The following MTMR2 variants were observed in gnomAD, a reference collection of about 807,000 sequenced individuals.
MTMR2 encodes myotubularin related protein 2.
In MTMR2, 55 loss-of-function variants were observed where a neutral mutation model predicts 86.9. The ratio of observed to expected loss-of-function variants is 0.63; its 90% CI spans 0.51 to 0.79. The LOEUF (loss-of-function observed/expected upper bound fraction) is 0.79. Among genes scored for constraint, MTMR2 ranks in the 30% least tolerant of loss-of-function variants. The pLI is 0.00. For synonymous variants in MTMR2, 241 were observed against 266.8 expected, an observed-to-expected ratio of 0.90 and a Z score of 0.94; for missense variants, 659 against 772.3, an observed-to-expected ratio of 0.85 and a Z score of 1.74.
chr11:95,843,025 A>G (rs1863617843), intron 11 of MTMR2, among the ~76,000 whole-genome samples: 2 of 152,054 alleles, frequency 1.3e-5, no homozygotes. Context: ...CTTTCTCATC[A>G]TTTTTACTTG....
At chr11:95,893,702 T>A (rs1865788674) in intron 1 of MTMR2, among the ~76,000 whole-genome samples, 1 of 152,090 alleles carries the variant, frequency 6.6e-6, no homozygotes, top group Non-Finnish European at 1.5e-5. Context: ...AGTGACTTTT[T>A]TAAACCATAA....
At chr11:95,843,361 A>G (rs998760139) in intron 11 of MTMR2, among the ~76,000 whole-genome samples, 1 of 152,176 alleles carries the variant, frequency 6.6e-6, no homozygotes, top group South Asian at 2.1e-4. Flanking sequence ...CCAATATGTG[A>G]TGTTACAAAA....
chr11:95,836,001 A>C, intron 14 of MTMR2, 147 bp downstream of exon 14: 1 of 815,634 alleles, frequency 1.2e-6, no homozygotes, highest in Non-Finnish European at 2.1e-6. Context: ...GCCCCAGTGT[A>C]GTATTTTTCT....
chr11:95,851,353 ATTCT>A (rs58995380), intron 7 of MTMR2, among the ~76,000 whole-genome samples: 2,608 of 150,674 alleles, frequency 0.017, 80 homozygotes, highest in African/African-American at 0.061. Flanking sequence ...AAATGTTCCT[ATTCT>A]TTATTTATTT....
chr11:95,890,435 A>G (rs2135554591), intron 1 of MTMR2, among the ~76,000 whole-genome samples: 1 of 152,252 alleles, frequency 6.6e-6, no homozygotes, highest in South Asian at 2.1e-4. Context: ...GAGGCTTGCT[A>G]TTCTCTTCCT....
chr11:95,852,492 G>A (rs115318928), intron 7 of MTMR2, among the ~76,000 whole-genome samples: 8 of 152,170 alleles, frequency 5.3e-5, no homozygotes, highest in South Asian at 2.1e-4. Context: ...TCTCAATAGC[G>A]CTTCTATTTA....
At chr11:95,873,444 G>A (rs1163803383) in intron 2 of MTMR2, among the ~76,000 whole-genome samples, 8 of 152,060 alleles carry the variant, frequency 5.3e-5, no homozygotes, top group East Asian at 1.9e-4. Flanking sequence ...CTGTGGGATC[G>A]GTGGTGATCT....
chr11:95,870,740 T>C (rs1864838771), intron 2 of MTMR2, among the ~76,000 whole-genome samples: 1 of 150,954 alleles, frequency 6.6e-6, no homozygotes, highest in Admixed American at 6.6e-5. Flanking sequence ...TCTTTTTCTT[T>C]TTTTTTTTAT....
chr11:95,893,541 C>T (rs116980308), intron 1 of MTMR2, among the ~76,000 whole-genome samples: 2,515 of 152,182 alleles, frequency 0.017, 33 homozygotes, highest in South Asian at 0.063. Context: ...CCATTAGCCA[C>T]GACTGTCCTG....
chr11:95,871,830 ATT>A (rs1469974061), intron 2 of MTMR2, among the ~76,000 whole-genome samples: 1 of 152,164 alleles, frequency 6.6e-6, no homozygotes. Context: ...CCTGAATGGT[ATT>A]GCCTAGGTTT....
rs1329460057 is a variant in MTMR2 at position 95,847,990 on chromosome 11, CAT to C, written c.994-93_994-92del. 8 of 1,258,024 alleles carry C rather than the reference CAT, an allele frequency of 6.4e-6. No individual in the cohort carries two copies. In the South Asian group the frequency reaches 1.0e-4, roughly 16 times the overall value. The allele number at this position is 1,258,024 out of a possible 1,614,324, so 77.9% of individuals were successfully genotyped here. ...ATATCCAATAGCATAAAAGATGATACATATTACTGGAGACAAGGAAAACTCCA... is the reference window on the plus strand; with the variant it reads ...ATATCCAATAGCATAAAAGATGATACATTACTGGAGACAAGGAAAACTCCA... On this transcript the variant is annotated intron_variant, in intron 9 of 14. Coordinates refer to ENST00000346299, the MANE Select transcript of MTMR2 (RefSeq NM_016156.6).
At chr11:95,908,173 A>G (rs1866359450) in intron 1 of MTMR2, among the ~76,000 whole-genome samples, 1 of 152,170 alleles carries the variant, frequency 6.6e-6, no homozygotes, top group African/African-American at 2.4e-5. Context: ...AATGTATGAA[A>G]GTCAGTAGTA....
chr11:95,909,453 A>AG (rs1866416682), intron 1 of MTMR2, among the ~76,000 whole-genome samples: 1 of 152,164 alleles, frequency 6.6e-6, no homozygotes, highest in African/African-American at 2.4e-5. Flanking sequence ...TTAATGCTGC[A>AG]AAGGCAGAAA....
At chr11:95,877,590 A>C (rs569848535) in intron 2 of MTMR2, among the ~76,000 whole-genome samples, 37 of 152,154 alleles carry the variant, frequency 2.4e-4, no homozygotes, top group African/African-American at 8.4e-4. Context: ...ATTTGGAAAT[A>C]GGGTTGTTGC....
rs748602901 is a variant in MTMR2 at position 95,844,936 on chromosome 11, C to T, written c.1386+17G>A. The stretch of plus-strand genomic sequence containing the variant: ...TGAATGCATGTGATATATCCAAAGT[C>T]AAGGTTCCTTACTTACTAGTTGAAA... On this transcript the variant is annotated intron_variant, in intron 11 of 14. Coordinates refer to ENST00000346299, the MANE Select transcript of MTMR2 (RefSeq NM_016156.6). 1.1e-5 allele frequency: 18 copies of T among 1,576,074 alleles called. No homozygotes were observed. The highest frequency in any genetic ancestry group is 1.6e-5 in the Non-Finnish European group (18 of 1,148,668).
intron 9 of MTMR2, among the ~76,000 whole-genome samples, chr11:95,849,083 C>G (rs1364942890): frequency 1.3e-5 from 2 of 152,002 alleles, no homozygotes; most frequent in Non-Finnish European, 1.5e-5. Flanking sequence ...GTAATGGTAC[C>G]TGCTGCTGTA....
intron 2 of MTMR2, among the ~76,000 whole-genome samples, chr11:95,871,259 G>C (rs1233524437): frequency 6.6e-6 from 1 of 152,186 alleles, no homozygotes. Context: ...ACCCAGTAAT[G>C]GGATGGCTGG....
chr11:95,843,471 C>G (rs1565347230), intron 11 of MTMR2, among the ~76,000 whole-genome samples: 1 of 152,242 alleles, frequency 6.6e-6, no homozygotes, highest in Non-Finnish European at 1.5e-5. Context: ...CATATAACAA[C>G]TAACCTCTAA....
intron 10 of MTMR2, among the ~76,000 whole-genome samples, chr11:95,846,354 C>G (rs926808097): frequency 6.6e-6 from 1 of 152,140 alleles, no homozygotes; most frequent in Non-Finnish European, 1.5e-5. Flanking sequence ...GAACAAAGTT[C>G]CTGCTTACTG....
Sources: allele counts gnomAD v4.1 joint callset (sites outside exome capture counted in the v4.1 genomes callset), GRCh38; gene constraint gnomAD v4.1.1; transcripts MANE v1.5; gene names NCBI Gene and HGNC (gene_info 2026-07-23, HGNC 2026-07-21).